DSCAM: variants seen among roughly 807,000 people sequenced by gnomAD.
DSCAM encodes cell adhesion molecule DSCAM.
Under a neutral mutation model 217.7 loss-of-function variants are expected in DSCAM, and 47 were observed. That is an observed-to-expected ratio of 0.22 (90% confidence interval 0.17 to 0.28). The LOEUF (loss-of-function observed/expected upper bound fraction) is 0.28. Among genes scored for constraint, DSCAM ranks in the 10% least tolerant of loss-of-function variants. The probability of loss-of-function intolerance (pLI) is 1.00; values close to 1 mark genes in which losing one functional copy is unlikely to be tolerated. For missense variants in DSCAM, 2,080 were observed against 2,618.3 expected (o/e 0.79, Z 4.49); for synonymous variants, 1,056 against 1,015.3 (o/e 1.04, Z -0.76).
intron 20 of DSCAM, among the ~76,000 whole-genome samples, chr21:40,109,710 C>T (rs1328002153): frequency 6.6e-6 from 1 of 152,230 alleles, no homozygotes; most frequent in East Asian, 1.9e-4. Context: ...AATCGGGTCA[C>T]TCCCACCCTA....
intron 3 of DSCAM, among the ~76,000 whole-genome samples, chr21:40,413,255 G>A (rs1371773483): frequency 2.0e-5 from 3 of 152,154 alleles, no homozygotes; most frequent in Admixed American, 6.5e-5. Flanking sequence ...AAAGAAGGGG[G>A]CCACTGTCCT....
intron 3 of DSCAM, among the ~76,000 whole-genome samples, chr21:40,512,904 T>A (rs2076271243): frequency 6.6e-6 from 1 of 152,136 alleles, no homozygotes; most frequent in Non-Finnish European, 1.5e-5. Flanking sequence ...TTTTATTTAT[T>A]TATTTATTTT....
At chr21:40,428,731 C>T (rs1453280132) in intron 3 of DSCAM, among the ~76,000 whole-genome samples, 1 of 152,062 alleles carries the variant, frequency 6.6e-6, no homozygotes, top group East Asian at 1.9e-4. Flanking sequence ...TGTCGTGGGG[C>T]TGTGTGTTTC....
intron 3 of DSCAM, among the ~76,000 whole-genome samples, chr21:40,480,153 T>A (rs1337380860): frequency 6.6e-6 from 1 of 152,220 alleles, no homozygotes; most frequent in Non-Finnish European, 1.5e-5. Context: ...CTGGGAGTCC[T>A]TGTTCAAAGG....
intron 1 of DSCAM, among the ~76,000 whole-genome samples, chr21:40,843,308 C>T (rs755619964): frequency 1.2e-4 from 18 of 151,460 alleles, no homozygotes; most frequent in South Asian, 8.4e-4. Context: ...CCCATGAAAG[C>T]GGATGCAGTA....
intron 3 of DSCAM, among the ~76,000 whole-genome samples, chr21:40,465,251 G>A (rs904273761): frequency 1.3e-5 from 2 of 151,988 alleles, no homozygotes; most frequent in African/African-American, 4.8e-5. Flanking sequence ...TTTGCTGCAC[G>A]AAACACATGA....
In DSCAM at chr21:40,312,114, C is replaced by T. The variant is rs759693763; in HGVS notation, c.2029G>A (p.Ala677Thr). 6.2e-6 allele frequency: 10 copies of T among 1,613,908 alleles called. No individual in the cohort carries two copies. The highest frequency in any genetic ancestry group is 6.8e-6 in the Non-Finnish European group (8 of 1,179,974). Residue 677 changes from alanine (A) to threonine (T), a missense_variant, in exon 9 of 33, where the codon GCT becomes ACT. This residue lies in a region of DSCAM where 218 missense variants were observed against 364.1 expected (regional missense o/e 0.60). Coordinates refer to ENST00000400454, the MANE Select transcript of DSCAM (RefSeq NM_001389.5). ...ATCAACTGGCTTTGGTGCTCCACAG[C>T]GGCGGCCTCATTCCGGGCTATGCAG... ...YTCIARNEAAAVEHQSQLIVR... is the reference protein window; with the variant it reads ...YTCIARNEAATVEHQSQLIVR...
At chr21:40,156,006 T>C (rs1454139777) in intron 16 of DSCAM, among the ~76,000 whole-genome samples, 1 of 151,948 alleles carries the variant, frequency 6.6e-6, no homozygotes, top group East Asian at 1.9e-4. Flanking sequence ...AGCCTCTGTC[T>C]ACCCTGTAGG....
intron 3 of DSCAM, among the ~76,000 whole-genome samples, chr21:40,382,266 C>T (rs1897987005): frequency 6.6e-6 from 1 of 152,150 alleles, no homozygotes; most frequent in Admixed American, 6.5e-5. Context: ...GGGCTCCTCA[C>T]CAAGACCTAG....
intron 3 of DSCAM, among the ~76,000 whole-genome samples, chr21:40,498,781 G>GGGTGTA (rs2076148192): frequency 3.8e-5 from 1 of 26,048 alleles, no homozygotes; most frequent in African/African-American, 1.6e-4. Flanking sequence ...ATATGGGTGT[G>GGGTGTA]TATATATATA....
At chr21:40,536,208 C>A (rs1037603282) in intron 3 of DSCAM, among the ~76,000 whole-genome samples, 2 of 152,296 alleles carry the variant, frequency 1.3e-5, no homozygotes, top group South Asian at 4.1e-4. Context: ...GTGATGCCGA[C>A]TGGGACACTG....
At chr21:40,445,954 A>C (rs1483519478) in intron 3 of DSCAM, among the ~76,000 whole-genome samples, 4 of 152,218 alleles carry the variant, frequency 2.6e-5, no homozygotes, top group Non-Finnish European at 4.4e-5. Context: ...GTATTAGAAA[A>C]ATATGTGCAT....
chr21:40,659,021 G>A (rs980561937), intron 3 of DSCAM, among the ~76,000 whole-genome samples: 4 of 152,146 alleles, frequency 2.6e-5, no homozygotes, highest in Non-Finnish European at 5.9e-5. Context: ...GCTCTTAAGT[G>A]CTTCTTTGGA....
In DSCAM at chr21:40,552,670, T is replaced by A. The variant is rs75977353; in HGVS notation, c.508+140140A>T. Among the ~76,000 whole-genome samples the A allele has an allele frequency of 2.2e-3, 341 of 152,344 alleles. 2 individuals carry two copies. The highest frequency in any genetic ancestry group is 2.6e-3 in the Non-Finnish European group (179 of 68,028). On this transcript the variant is annotated intron_variant, in intron 3 of 32. Coordinates refer to ENST00000400454, the MANE Select transcript of DSCAM (RefSeq NM_001389.5). ...ATCTACTTTCCATCTGAACCAGATC[T>A]GAAACTACATTTAAATCTAACACAG... is the stretch of plus-strand genomic sequence containing the variant.
intron 1 of DSCAM, among the ~76,000 whole-genome samples, chr21:40,793,771 A>G (rs1177876877): frequency 6.6e-6 from 1 of 152,156 alleles, no homozygotes; most frequent in African/African-American, 2.4e-5. Flanking sequence ...GATTACAGGC[A>G]TGAGCCACGA....
At chr21:40,472,830 C>G (rs2075900336) in intron 3 of DSCAM, among the ~76,000 whole-genome samples, 2 of 152,104 alleles carry the variant, frequency 1.3e-5, no homozygotes, top group Admixed American at 1.3e-4. Context: ...TCCCAATATG[C>G]ATGTGTGATG....
intron 11 of DSCAM, among the ~76,000 whole-genome samples, chr21:40,225,170 C>G (rs2091320876): frequency 6.6e-6 from 1 of 152,220 alleles, no homozygotes. Context: ...CTCCTGCCAA[C>G]AAGGTAAGCC....
chr21:40,837,298 A>C (rs2092065001), intron 1 of DSCAM, among the ~76,000 whole-genome samples: 1 of 152,164 alleles, frequency 6.6e-6, no homozygotes, highest in Non-Finnish European at 1.5e-5. Context: ...GGGGCGGTAG[A>C]GGTATGGGGG....
chr21:40,642,552 T>C (rs1032411835), intron 3 of DSCAM, among the ~76,000 whole-genome samples: 6 of 152,184 alleles, frequency 3.9e-5, no homozygotes, highest in African/African-American at 1.4e-4. Flanking sequence ...GATCTGCCTC[T>C]TCACAAGCTC....
Sources: allele counts gnomAD v4.1 joint callset (sites outside exome capture counted in the v4.1 genomes callset), GRCh38; gene constraint gnomAD v4.1.1; regional missense constraint gnomAD v4.1.1; transcripts MANE v1.5; gene names NCBI Gene and HGNC (gene_info 2026-07-23, HGNC 2026-07-21).